IFI27L1: variants seen among roughly 807,000 people sequenced by gnomAD.
IFI27L1 encodes the protein interferon alpha-inducible protein 27-like protein 1.
A neutral mutation model predicts 9.2 loss-of-function variants in IFI27L1; 3 were observed. The ratio of observed to expected loss-of-function variants is 0.32; its 90% CI spans 0.15 to 0.84. The LOEUF is 0.84. Among genes scored for constraint, IFI27L1 ranks in the 40% least tolerant of loss-of-function variants. The pLI, the probability that IFI27L1 is intolerant of heterozygous loss-of-function variation, is 0.56. For synonymous variants in IFI27L1, 53 were observed against 50.0 expected (o/e 1.06, Z -0.26); for missense variants, 133 against 134.2 (o/e 0.99, Z 0.05).
intron 2 of IFI27L1, chr14:94,097,583 A>G: frequency 1.4e-6 from 1 of 700,970 alleles, no homozygotes; most frequent in South Asian, 1.5e-5. Flanking sequence ...CAAGTTAGGA[A>G]GCTCCTCCAG....
chr14:94,083,578 C>T (rs1052296101), intron 1 of IFI27L1, among the ~76,000 whole-genome samples: 3 of 152,150 alleles, frequency 2.0e-5, no homozygotes, highest in African/African-American at 7.2e-5. Flanking sequence ...CTTTCAGCAA[C>T]CACCACCCTA....
chr14:94,090,075 A>T (rs1886420267), intron 1 of IFI27L1, among the ~76,000 whole-genome samples: 1 of 152,230 alleles, frequency 6.6e-6, no homozygotes, highest in Non-Finnish European at 1.5e-5. Flanking sequence ...TCCCAAGTAA[A>T]CTGAATAAGA....
At chr14:94,082,762 C>T (rs1027628554) in intron 1 of IFI27L1, among the ~76,000 whole-genome samples, 2 of 152,152 alleles carry the variant, frequency 1.3e-5, no homozygotes, top group African/African-American at 2.4e-5. Context: ...GCCTACTGCT[C>T]AGAAAAAAGG....
At chr14:94,094,886 T>G (rs73351235) in intron 1 of IFI27L1, 1 of 152,084 alleles carries the variant, frequency 6.6e-6, no homozygotes, top group East Asian at 1.9e-4. Context: ...GCAACACCAA[T>G]TGGCTGACTT....
intron 1 of IFI27L1, among the ~76,000 whole-genome samples, chr14:94,084,153 AT>A (rs1886202807): frequency 6.6e-6 from 1 of 152,198 alleles, no homozygotes; most frequent in East Asian, 1.9e-4. Context: ...ATGCAGGAAG[AT>A]TAATTTGCCA....
At chr14:94,097,540 G>T in intron 2 of IFI27L1, 8 of 682,970 alleles carry the variant, frequency 1.2e-5, no homozygotes, top group Non-Finnish European at 1.6e-5. Context: ...TCCGGGTTCA[G>T]CAGTGACTTG....
chr14:94,100,710 G>C (rs775646749), intron 2 of IFI27L1, 29 bp from the exon 3 acceptor site: 4 of 1,443,304 alleles, frequency 2.8e-6, no homozygotes, highest in Non-Finnish European at 2.8e-6. Context: ...TTGTTTGTTT[G>C]TTGTTGTTGT....
At position 94,100,867 on chromosome 14, in the gene IFI27L1, C is replaced by G. The variant is rs113612688; in HGVS notation, c.61+96C>G. 7.2e-5 allele frequency: 96 copies of G among 1,336,402 alleles called. No homozygotes were observed. In the African/African-American group the frequency reaches 1.1e-3, roughly 15 times the overall value. The allele number at this position is 1,336,402 out of a possible 1,614,324, so 82.8% of individuals were successfully genotyped here. On this transcript the variant is annotated intron_variant, in intron 3 of 4. Transcript: ENST00000555523. The stretch of plus-strand genomic sequence containing the variant: ...ACTGGCTTTGACCAAACCCAGGATT[C>G]TCCAAGACATAGCTGGGTAGCGGTG...
chr14:94,094,437 C>T (rs1423749284), intron 1 of IFI27L1, among the ~76,000 whole-genome samples: 1 of 152,094 alleles, frequency 6.6e-6, no homozygotes, highest in African/African-American at 2.4e-5. Flanking sequence ...CCTCCCTGAG[C>T]TCTTCACCTT....
chr14:94,086,754 G>C (rs1346089571), intron 1 of IFI27L1, among the ~76,000 whole-genome samples: 1 of 152,156 alleles, frequency 6.6e-6, no homozygotes, highest in African/African-American at 2.4e-5. Flanking sequence ...GGCTAGAGCT[G>C]CTCTTAGGGT....
chr14:94,094,816 C>T (rs546283632), intron 1 of IFI27L1: 2 of 152,216 alleles, frequency 1.3e-5, no homozygotes, highest in East Asian at 3.9e-4. Flanking sequence ...CAGTAATATA[C>T]TCCTGGTGAA....
At chr14:94,085,901 C>T (rs1306644812) in intron 1 of IFI27L1, among the ~76,000 whole-genome samples, 1 of 152,140 alleles carries the variant, frequency 6.6e-6, no homozygotes, top group African/African-American at 2.4e-5. Flanking sequence ...TTGGTATTTT[C>T]ATTTATTGTA....
intron 3 of IFI27L1, 42 bp downstream of exon 3, chr14:94,100,813 C>CT: frequency 1.2e-6 from 2 of 1,606,154 alleles, no homozygotes; most frequent in African/African-American, 1.3e-5. Context: ...CATCCCCCGC[C>CT]TCCCCCCAGC....
At chr14:94,100,481 G>A (rs1886851917) in intron 2 of IFI27L1, 1 of 985,198 alleles carries the variant, frequency 1.0e-6, no homozygotes, top group African/African-American at 1.7e-5. Context: ...TGCTGCAGGG[G>A]GCCCAGCCAC....
In IFI27L1 at chr14:94,102,514, G is replaced by A; in HGVS notation, c.261G>A (p.Gly87=). 6.3e-7 allele frequency: 1 copy of A among 1,593,612 alleles called. No individual in the cohort carries two copies. The highest frequency in any genetic ancestry group is 1.1e-5 in the South Asian group (1 of 88,206). The stretch of plus-strand genomic sequence containing the variant: ...TCTCTGTGACATCTAAAGTTATCGG[G>A]GGCTTTGCTGGGACAGCTCTTGGGG... ...AGLSVTSKVI[G]GFAGTALGAW... Residue 87 remains glycine, a synonymous_variant, in exon 5 of 5, where the codon GGG becomes GGA. Transcript: ENST00000555523.
chr14:94,101,324 T>C (rs953366867), intron 3 of IFI27L1: 1 of 213,846 alleles, frequency 4.7e-6, no homozygotes, highest in Non-Finnish European at 9.3e-6. Flanking sequence ...AATGTGGCTG[T>C]GATTGCAGAT....
At chr14:94,094,311 A>C (rs756387745) in intron 1 of IFI27L1, among the ~76,000 whole-genome samples, 4 of 152,122 alleles carry the variant, frequency 2.6e-5, no homozygotes, top group Non-Finnish European at 4.4e-5. Context: ...ATCATGGGAC[A>C]TTGGGAGCTT....
chr14:94,098,101 G>A (rs1255476944), intron 2 of IFI27L1, among the ~76,000 whole-genome samples: 1 of 152,178 alleles, frequency 6.6e-6, no homozygotes, highest in Admixed American at 6.5e-5. Context: ...TGTGGAGGAT[G>A]AGGCCAGGTG....
chr14:94,101,227 A>G (rs1235172160), intron 3 of IFI27L1: 3 of 256,238 alleles, frequency 1.2e-5, no homozygotes, highest in African/African-American at 6.5e-5. Flanking sequence ...AATGGCCAAA[A>G]CTAAAGAAAA....
Sources: allele counts gnomAD v4.1 joint callset (sites outside exome capture counted in the v4.1 genomes callset), GRCh38; gene constraint gnomAD v4.1.1; transcripts MANE v1.5; gene names NCBI Gene and HGNC (gene_info 2026-07-23, HGNC 2026-07-21).